PIK3CB: variants seen among roughly 807,000 people sequenced by gnomAD.
PIK3CB encodes the protein phosphatidylinositol-4,5-bisphosphate 3-kinase catalytic subunit beta.
PIK3CB carries 39 observed loss-of-function variants against 136.8 expected under a neutral mutation model. The observed-to-expected ratio is 0.29, with a 90% confidence interval of 0.22 to 0.37. PIK3CB has a LOEUF of 0.37. PIK3CB is among the 10% of genes least tolerant of loss of function. The probability of loss-of-function intolerance (pLI) is 1.00; values close to 1 mark genes in which losing one functional copy is unlikely to be tolerated. For synonymous variants in PIK3CB, 428 were observed against 436.6 expected (o/e 0.98, Z 0.25); for missense variants, 868 against 1,275.4 (o/e 0.68, Z 4.87).
chr3:138,668,984 G>A (rs2043470882), intron 19 of PIK3CB, among the ~76,000 whole-genome samples: 1 of 152,178 alleles, frequency 6.6e-6, no homozygotes, highest in Non-Finnish European at 1.5e-5. Flanking sequence ...AGTCTGAGTA[G>A]TACCTTAGCC....
chr3:138,785,369 C>T (rs566439858), intron 2 of PIK3CB, among the ~76,000 whole-genome samples: 1 of 151,994 alleles, frequency 6.6e-6, no homozygotes, highest in Non-Finnish European at 1.5e-5. Flanking sequence ...GCAGTTTTGT[C>T]GAATAGAAAA....
intron 2 of PIK3CB, among the ~76,000 whole-genome samples, chr3:138,781,431 T>C (rs934633353): frequency 2.6e-5 from 4 of 151,594 alleles, no homozygotes; most frequent in Admixed American, 6.6e-5. Context: ...CTGGACAACA[T>C]AGTGAGACCC....
intron 5 of PIK3CB, among the ~76,000 whole-genome samples, chr3:138,740,962 C>A (rs1211370775): frequency 6.6e-6 from 1 of 152,182 alleles, no homozygotes; most frequent in Non-Finnish European, 1.5e-5. Flanking sequence ...GAACTCTCAT[C>A]ACCTTTCAAC....
intron 1 of PIK3CB, among the ~76,000 whole-genome samples, chr3:138,823,259 A>AAAAT (rs1370008455): frequency 1.3e-5 from 2 of 152,020 alleles, no homozygotes; most frequent in East Asian, 1.9e-4. Flanking sequence ...CATCCCTAAA[A>AAAAT]AAATAAATAA....
intron 21 of PIK3CB, among the ~76,000 whole-genome samples, chr3:138,663,239 A>G (rs947985140): frequency 6.6e-6 from 1 of 152,220 alleles, no homozygotes; most frequent in African/African-American, 2.4e-5. Context: ...CCCATCAAAA[A>G]GTGGGCAAAG....
chr3:138,751,970 A>AT (rs2045480566), intron 4 of PIK3CB, among the ~76,000 whole-genome samples: 1 of 93,250 alleles, frequency 1.1e-5, no homozygotes, highest in African/African-American at 3.5e-5. Flanking sequence ...GACTCTGTAT[A>AT]TAAAAAAAAA....
At chr3:138,779,039 T>C (rs1376951353) in intron 2 of PIK3CB, among the ~76,000 whole-genome samples, 2 of 135,098 alleles carry the variant, frequency 1.5e-5, no homozygotes, top group Non-Finnish European at 3.2e-5. Flanking sequence ...AAAAAAAAAA[T>C]AGCAACACAC....
At position 138,809,191 on chromosome 3, in the gene PIK3CB, T is replaced by A. The variant is rs1055801636; in HGVS notation, c.-121-12624A>T. On this transcript the variant is annotated intron_variant, in intron 1 of 23. Coordinates refer to ENST00000674063, the MANE Select transcript of PIK3CB (RefSeq NM_006219.3). ...TACTCAGGAAGCTGAGGCAGGAGAATCGTTTGAACCCGAGAGGCGGAGACT... is the reference window on the plus strand; with the variant it reads ...TACTCAGGAAGCTGAGGCAGGAGAAACGTTTGAACCCGAGAGGCGGAGACT... Among the ~76,000 whole-genome samples the A allele has an allele frequency of 2.6e-5, 4 of 151,670 alleles. No homozygotes were observed. The East Asian group carries it at 5.8e-4, about 22-fold the overall frequency.
chr3:138,698,835 A>G (rs1437982682), intron 13 of PIK3CB, 72 bp downstream of exon 13: 2 of 882,842 alleles, frequency 2.3e-6, no homozygotes, highest in Admixed American at 4.8e-5. Flanking sequence ...ACCTATGAGA[A>G]AAGGATACTT....
intron 1 of PIK3CB, among the ~76,000 whole-genome samples, chr3:138,816,573 G>T (rs944446336): frequency 6.6e-6 from 1 of 150,822 alleles, no homozygotes; most frequent in Non-Finnish European, 1.5e-5. Context: ...CTAGCCTGGG[G>T]ACAAGAGTGA....
At chr3:138,814,964 C>T (rs908039069) in intron 1 of PIK3CB, among the ~76,000 whole-genome samples, 4 of 151,396 alleles carry the variant, frequency 2.6e-5, no homozygotes, top group South Asian at 4.2e-4. Flanking sequence ...GGTGAAACCC[C>T]GTCTCTACTA....
Position 138,772,244 on chromosome 3 carries a change from T to C in PIK3CB, c.-16-12885A>G, listed in dbSNP as rs532084495. Among the ~76,000 whole-genome samples the C allele has an allele frequency of 1.4e-4, 21 of 152,184 alleles. No homozygotes were observed. The South Asian group carries it at 3.1e-3, about 23-fold the overall frequency. On this transcript the variant is annotated intron_variant, in intron 2 of 23. Transcript: ENST00000674063. ...AGAAAAAACTGCAAGTATAACCTAA[T>C]GCGCGGCAATTAAGGGTGGAAGGAA...
At chr3:138,696,735 A>G (rs1559822124) in intron 13 of PIK3CB, among the ~76,000 whole-genome samples, 1 of 152,104 alleles carries the variant, frequency 6.6e-6, no homozygotes, top group South Asian at 2.1e-4. Flanking sequence ...CTCATCCCCA[A>G]TTTTTCTCAC....
rs981976957 is a variant in PIK3CB, at chr3:138,737,901, A to T, written c.622-15T>A. The T allele has an allele frequency of 1.3e-6, 2 of 1,533,712 alleles. No individual in the cohort carries two copies. Among genetic ancestry groups the T allele is most frequent in the Non-Finnish European group, 1.8e-6 (2 of 1,128,802 alleles). On this transcript the variant is annotated splice_polypyrimidine_tract_variant and intron_variant, in intron 5 of 23. Coordinates refer to ENST00000674063, the MANE Select transcript of PIK3CB (RefSeq NM_006219.3). Reference sequence around the variant, plus strand: ...CTAAACACGTCCTGAAGGGGGAGGGAGATGGGGAAAAAAGCAGTAAATGTT... The same window carrying T: ...CTAAACACGTCCTGAAGGGGGAGGGTGATGGGGAAAAAAGCAGTAAATGTT...
chr3:138,826,199 T>C, intron 1 of PIK3CB: 2 of 1,292,938 alleles, frequency 1.5e-6, no homozygotes, highest in Non-Finnish European at 2.2e-6. Flanking sequence ...AGGACTATCC[T>C]CCTCTGGGTC....
rs183267386 is a variant in PIK3CB at position 138,664,887 on chromosome 3, C to T, written c.2672+149G>A. ...ACCATTTACAAGACTTTACGAAGGG[C>T]TATGTGTCATTTTGTTCTAACAAGA... is the stretch of plus-strand genomic sequence containing the variant. On this transcript the variant is annotated intron_variant, in intron 20 of 23. Transcript: ENST00000674063. 487 of 484,584 alleles carry T rather than the reference C, an allele frequency of 1.0e-3. 1 individual carries two copies. Among genetic ancestry groups the T allele is most frequent in the Non-Finnish European group, 1.7e-4 (46 of 275,050 alleles). The allele number at this position is 484,584 out of a possible 1,614,324, so 30.0% of individuals were successfully genotyped here. A position where few individuals can be genotyped will look rare whatever the true frequency, so the allele number is the denominator to read the frequency against.
chr3:138,756,127 T>C (rs1277548612), intron 3 of PIK3CB, 148 bp from the exon 4 acceptor site: 3 of 473,486 alleles, frequency 6.3e-6, no homozygotes, highest in Non-Finnish European at 7.4e-6. Flanking sequence ...TTAAATGAAT[T>C]ATAGAATATT....
chr3:138,789,103 G>A (rs749548227), intron 2 of PIK3CB, among the ~76,000 whole-genome samples: 2 of 151,692 alleles, frequency 1.3e-5, no homozygotes, highest in Admixed American at 1.3e-4. Context: ...GGTATAGCCA[G>A]TATGGAAGAC....
At chr3:138,703,161 C>G (rs924172773) in intron 12 of PIK3CB, among the ~76,000 whole-genome samples, 10 of 152,210 alleles carry the variant, frequency 6.6e-5, no homozygotes, top group African/African-American at 2.4e-4. Context: ...CACTACTGCT[C>G]TCTTTCCTAA....
Sources: gnomAD v4.1 joint callset for allele counts (sites outside exome capture counted in the v4.1 genomes callset) on GRCh38, gnomAD v4.1.1 for gene constraint, MANE v1.5 for transcripts, NCBI Gene and HGNC (gene_info 2026-07-23, HGNC 2026-07-21) for gene names.